GGT1: variants seen among roughly 807,000 people sequenced by gnomAD.
GGT1 encodes gamma-glutamyltransferase 1.
GGT1 carries 21 observed loss-of-function variants against 56.0 expected under a neutral mutation model. That is an observed-to-expected ratio of 0.38 (90% CI 0.27 to 0.54). The LOEUF (loss-of-function observed/expected upper bound fraction) is 0.54. GGT1 is among the 20% of genes least tolerant of loss of function. The pLI is 0.82. For synonymous variants in GGT1, 238 were observed against 342.6 expected (o/e 0.69, Z 3.37); for missense variants, 466 against 787.0 (o/e 0.59, Z 4.88).
chr22:24,585,661 C>T, the GGT1 span: 1 of 585,690 alleles, frequency 1.7e-6, no homozygotes, highest in Admixed American at 3.1e-5. Flanking sequence ...ATTGCGGGGT[C>T]CACACTGTGG....
At chr22:24,616,536 CT>C in intron 7 of GGT1, among the ~76,000 whole-genome samples, 1 of 149,814 alleles carries the variant, frequency 6.7e-6, no homozygotes, top group East Asian at 2.0e-4. Flanking sequence ...CAATCTTTGA[CT>C]TTTTTCTTTT....
rs1470766270 is a variant in GGT1 at position 24,611,186 on chromosome 22, C to T, written c.105C>T (p.Asn35=). ...CCTCAGCCTCCAAGGAACCTGACAA[C>T]CATGTGTACACCAGGGCTGCCGTGG... ...WLPSASKEPD[N]HVYTRAAVAA... Residue 35 remains asparagine (N), a synonymous_variant, in exon 5 of 16, where the codon AAC becomes AAT. Coordinates refer to ENST00000400382, the MANE Select transcript of GGT1 (RefSeq NM_001288833.2). 3.6e-5 allele frequency: 57 copies of T among 1,591,346 alleles called. No individual in the cohort carries two copies. The East Asian group carries it at 1.2e-3, about 35-fold the overall frequency.
At chr22:24,593,571 A>C (rs2045635440), upstream of GGT1, among the ~76,000 whole-genome samples, 1 of 151,980 alleles carries the variant, frequency 6.6e-6, no homozygotes, top group African/African-American at 2.4e-5. Flanking sequence ...GCGGAATCTA[A>C]GGTCAGGAGT....
chr22:24,614,447 C>A (rs1384510465), intron 5 of GGT1, among the ~76,000 whole-genome samples: 24 of 148,386 alleles, frequency 1.6e-4, no homozygotes. Context: ...GAAACCCCGT[C>A]TCTACTAAAA....
At chr22:24,588,664 C>A in the GGT1 span, 8 of 1,122,946 alleles carry the variant, frequency 7.1e-6, no homozygotes, top group Non-Finnish European at 8.8e-6. Context: ...CCCTCAGCAC[C>A]CTTCGGGGAC....
chr22:24,627,376 G>GCCCCCGGGC, intron 11 of GGT1, 56 bp from the exon 12 acceptor site: 1 of 896,766 alleles, frequency 1.1e-6, no homozygotes, highest in Non-Finnish European at 1.8e-6. Context: ...TGAGACCTGT[G>GCCCCCGGGC]CCCCCTCCCC....
upstream of GGT1, among the ~76,000 whole-genome samples, chr22:24,601,690 C>T (rs532854646): frequency 6.6e-6 from 1 of 152,358 alleles, no homozygotes; most frequent in East Asian, 1.9e-4. Context: ...CCTGTCTGGC[C>T]AAGGCCCCTG....
At chr22:24,619,776 T>C (rs1460224121) in intron 7 of GGT1, among the ~76,000 whole-genome samples, 2 of 151,058 alleles carry the variant, frequency 1.3e-5, no homozygotes, top group Non-Finnish European at 2.9e-5. Flanking sequence ...TGGCACATTC[T>C]CGTGGAGCCC....
intron 3 of GGT1, 90 bp from the exon 4 acceptor site, chr22:24,610,160 C>T (rs1279539695): frequency 2.3e-5 from 8 of 345,386 alleles, no homozygotes; most frequent in South Asian, 4.3e-5. Flanking sequence ...TGCCCTGCTC[C>T]GTGCAAAACC....
upstream of GGT1, chr22:24,590,047 TC>T: frequency 7.5e-7 from 1 of 1,341,012 alleles, no homozygotes; most frequent in Non-Finnish European, 9.9e-7. Context: ...CGTTCCTGTC[TC>T]TCCATCTCCT....
chr22:24,593,086 GCGCCCCGCTCC>G, upstream of GGT1: 1 of 1,035,024 alleles, frequency 9.7e-7, no homozygotes, highest in Non-Finnish European at 1.2e-6. Context: ...CGGGCTGTCT[GCGCCCCGCTCC>G]CGGGGCCGCC....
intron 5 of GGT1, among the ~76,000 whole-genome samples, 159 bp from the exon 6 acceptor site, chr22:24,614,614 CAAA>C (rs4049879): frequency 1.3e-4 from 9 of 68,598 alleles, no homozygotes; most frequent in Admixed American, 3.4e-4. Context: ...GACTCCATCT[CAAA>C]AAAAAAAAAA....
intron 1 of GGT1, among the ~76,000 whole-genome samples, chr22:24,596,837 C>G (rs1240301199): frequency 6.8e-6 from 1 of 146,624 alleles, no homozygotes; most frequent in South Asian, 2.2e-4. Context: ...CGCTTGAACC[C>G]GGGACGCAGA....
rs2047917553 is a variant in GGT1, at chr22:24,628,347, C to T, written c.1522C>T (p.Leu508Phe). The T allele has an allele frequency of 6.2e-7, 1 of 1,611,578 alleles. No homozygotes were observed. Among genetic ancestry groups the T allele is most frequent in the South Asian group, 1.1e-5 (1 of 90,994 alleles). ...GGAGGAGCCCCGGCTGCACAACCAG[C>T]TTCTGCCCAACGTCACGACAGTGGA... The part of the protein sequence containing the change: ...AVEEPRLHNQ[L>F]LPNVTTVERN... Residue 508 changes from leucine (L) to phenylalanine (F), a missense_variant, in exon 15 of 16, where the codon CTT (leucine) becomes TTT (phenylalanine). By Grantham distance (22) the Leu-to-Phe change is conservative. Transcript: ENST00000400382. This position sits in a 1 kb window ranked among gnomAD's most constrained non-coding sequence, Gnocchi z 5.7.
chr22:24,585,926 G>A, the GGT1 span: 16 of 1,606,502 alleles, frequency 1.0e-5, no homozygotes, highest in South Asian at 1.5e-4. Flanking sequence ...TCCCAGCCCA[G>A]CAGCTGTGGA....
intron 1 of GGT1, among the ~76,000 whole-genome samples, chr22:24,606,054 ATATTT>A (rs1328005540): frequency 1.8e-5 from 1 of 56,844 alleles, no homozygotes; most frequent in African/African-American, 6.3e-5. Flanking sequence ...ATCATATATT[ATATTT>A]ATATAATTTA....
At chr22:24,612,512 T>TTTTTTGTTGTTGTTTTGTTTTG (rs1245228093) in intron 5 of GGT1, among the ~76,000 whole-genome samples, 1 of 130,828 alleles carries the variant, frequency 7.6e-6, no homozygotes, top group Non-Finnish European at 1.6e-5. Context: ...GGCTTATTCT[T>TTTTTTGTTGTTGTTTTGTTTTG]TTTTGTTGTT....
chr22:24,620,900 C>T lies in GGT1; in HGVS notation c.576-13C>T, dbSNP rs767779246. ...CCCCACCTGCTGCCTCACATGAGCCCCCTCTGCCCCAGTGAGGTGTTCTGC... is the reference window on the plus strand; with the variant it reads ...CCCCACCTGCTGCCTCACATGAGCCTCCTCTGCCCCAGTGAGGTGTTCTGC... On this transcript the variant is annotated splice_polypyrimidine_tract_variant and intron_variant, in intron 8 of 15. Transcript: ENST00000400382. This position sits in a 1 kb window ranked among gnomAD's most constrained non-coding sequence, Gnocchi z 5.6. The T allele has an allele frequency of 5.6e-6, 9 of 1,611,504 alleles. No homozygotes were observed. The highest frequency in any genetic ancestry group is 6.8e-6 in the Non-Finnish European group (8 of 1,179,682).
upstream of GGT1, chr22:24,592,613 C>T: frequency 1.9e-6 from 1 of 537,684 alleles, no homozygotes; most frequent in Non-Finnish European, 3.2e-6. Context: ...CACTCAGCAG[C>T]CCCCTCCTCC....
Sources: allele counts gnomAD v4.1 joint callset (sites outside exome capture counted in the v4.1 genomes callset), GRCh38; gene constraint gnomAD v4.1.1; non-coding constraint Gnocchi (gnomAD v3.1); transcripts MANE v1.5; gene names NCBI Gene and HGNC (gene_info 2026-07-23, HGNC 2026-07-21).